Variants in LRRIQ3 observed in about 807,000 individuals in gnomAD.
LRRIQ3 encodes the protein leucine-rich repeat and IQ domain-containing protein 3.
In LRRIQ3, 75 loss-of-function variants were observed where a neutral mutation model predicts 59.3. That is an observed-to-expected ratio of 1.26 (90% confidence interval 1.05 to 1.53). The LOEUF (loss-of-function observed/expected upper bound fraction) is 1.53. Among genes scored for constraint, LRRIQ3 ranks in the 40% most tolerant of loss-of-function variants. The pLI, the probability that LRRIQ3 is intolerant of heterozygous loss-of-function variation, is 0.00. For synonymous variants in LRRIQ3, 250 were observed against 231.3 expected (o/e 1.08, Z -0.73); for missense variants, 831 against 710.0 (o/e 1.17, Z -1.94).
chr1:74,177,526 C>T (rs1649717693), intron 3 of LRRIQ3, among the ~76,000 whole-genome samples: 1 of 152,038 alleles, frequency 6.6e-6, no homozygotes, highest in African/African-American at 2.4e-5. Context: ...AAGAATTTAC[C>T]ACTGTGTCAT....
At chr1:74,181,465 C>A (rs1048208102) in intron 3 of LRRIQ3, 10 of 151,830 alleles carry the variant, frequency 6.6e-5, no homozygotes, top group African/African-American at 2.4e-4. Flanking sequence ...AGTTCTTTCT[C>A]AATGCCCACT....
rs1553162681 is a variant in LRRIQ3, at chr1:74,055,211, T to TAC, written c.998-13280_998-13279dup. Reference sequence around the variant, plus strand: ...ATATATATATATATATATATATATATACACACACATACATATAAAGGGTAT... The same window carrying TAC: ...ATATATATATATATATATATATATATACACACACACATACATATAAAGGGTAT... On this transcript the variant is annotated intron_variant, in intron 6 of 7. Transcript: ENST00000354431. 8.5e-3 allele frequency among the ~76,000 whole-genome samples: 1,084 copies of TAC among 127,648 alleles called. 14 individuals are homozygous for TAC. The highest frequency in any genetic ancestry group is 0.028 in the African/African-American group (1,019 of 35,988). 83.7% of individuals were successfully genotyped at this position (127,648 alleles called of 152,430 possible).
In LRRIQ3 at chr1:74,183,423, G is replaced by A. The variant is rs1402112621; in HGVS notation, c.249+13C>T. The A allele has an allele frequency of 3.2e-6, 5 of 1,545,174 alleles. No individual in the cohort carries two copies. Among genetic ancestry groups the A allele is most frequent in the Non-Finnish European group, 4.4e-6 (5 of 1,146,608 alleles). On this transcript the variant is annotated intron_variant, in intron 2 of 7. Coordinates refer to ENST00000354431, the MANE Select transcript of LRRIQ3 (RefSeq NM_001105659.2). ...TCGTTTATATGCAAATATCTGAAAT[G>A]GCTATTGCTTACCTGATTTCCATGG...
At chr1:74,027,053 A>ATTAG in intron 7 of LRRIQ3, 84 bp from the exon 8 acceptor site, 1 of 916,828 alleles carries the variant, frequency 1.1e-6, no homozygotes, top group Admixed American at 2.9e-5. Flanking sequence ...AATGATAATA[A>ATTAG]TTAGATGTCT....
At position 74,191,178 on chromosome 1, in the gene LRRIQ3, A is replaced by G. The variant is rs555526921; in HGVS notation, c.-1+6818T>C. Among the ~76,000 whole-genome samples, 9 of 152,308 alleles carry G rather than the reference A, an allele frequency of 5.9e-5. 1 individual carries two copies. The highest frequency in any genetic ancestry group is 2.2e-4 in the African/African-American group (9 of 41,582). ...AGATAAAATATATGCTTCAAAAACT[A>G]TATCAAGGACACTGTATGGTGCAAA... is the stretch of plus-strand genomic sequence containing the variant. On this transcript the variant is annotated intron_variant, in intron 1 of 7. Transcript: ENST00000354431.
rs766841620 is a variant in LRRIQ3, at chr1:74,096,749, T to G, written c.867+12645A>C. ...TTGGTGTGGAGGTCCTTTCAGTTTG[T>G]TAGCTTTCCTTCTAACAATCAGGAC... On this transcript the variant is annotated intron_variant, in intron 5 of 7. Coordinates refer to ENST00000354431, the MANE Select transcript of LRRIQ3 (RefSeq NM_001105659.2). Among the ~76,000 whole-genome samples the G allele has an allele frequency of 4.3e-4, 65 of 152,278 alleles. 1 individual carries two copies. The highest frequency in any genetic ancestry group is 3.4e-3 in the Middle Eastern group (1 of 294).
Position 74,198,146 on chromosome 1 carries a change from G to A in LRRIQ3, c.-151C>T, listed in dbSNP as rs1462266867. 3.4e-6 allele frequency: 5 copies of A among 1,488,746 alleles called. No homozygotes were observed. Among genetic ancestry groups the A allele is most frequent in the Admixed American group, 2.3e-5 (1 of 43,934 alleles). 92.2% of individuals were successfully genotyped at this position (1,488,746 alleles called of 1,614,324 possible). On this transcript the variant is annotated 5_prime_UTR_variant, in exon 1 of 8. Coordinates refer to ENST00000354431, the MANE Select transcript of LRRIQ3 (RefSeq NM_001105659.2). Reference sequence around the variant, plus strand: ...AGTTCTCCACATCATGGTTTTCCGGGCGCCAGCCAAGGCGCTCCGGGGGCG... The same window carrying A: ...AGTTCTCCACATCATGGTTTTCCGGACGCCAGCCAAGGCGCTCCGGGGGCG...
Position 74,198,163 on chromosome 1 carries a change from C to T in LRRIQ3, c.-168G>A. The T allele has an allele frequency of 1.3e-6, 2 of 1,518,112 alleles. No individual in the cohort carries two copies. Among genetic ancestry groups the T allele is most frequent in the African/African-American group, 1.4e-5 (1 of 72,570 alleles). 94.0% of individuals were successfully genotyped at this position (1,518,112 alleles called of 1,614,324 possible). A position where few individuals can be genotyped will look rare whatever the true frequency, so the allele number is the denominator to read the frequency against. On this transcript the variant is annotated 5_prime_UTR_variant, in exon 1 of 8. Transcript: ENST00000354431. ...TTTTCCGGGCGCCAGCCAAGGCGCTCCGGGGGCGTGGTTACGTGGGCGACG... is the reference window on the plus strand; with the variant it reads ...TTTTCCGGGCGCCAGCCAAGGCGCTTCGGGGGCGTGGTTACGTGGGCGACG...
chr1:74,189,400 G>T (rs1158717229), intron 1 of LRRIQ3, among the ~76,000 whole-genome samples: 1 of 152,148 alleles, frequency 6.6e-6, no homozygotes, highest in Non-Finnish European at 1.5e-5. Context: ...AATGTAAGTT[G>T]TTCTGAGATT....
In LRRIQ3 at chr1:74,175,620, ACTGGGTG is replaced by A. The variant is rs554764762; in HGVS notation, c.573+6911_573+6917del. 8.5e-5 allele frequency among the ~76,000 whole-genome samples: 13 copies of A among 152,246 alleles called. 1 individual carries two copies. The South Asian group carries it at 2.7e-3, about 32-fold the overall frequency. On this transcript the variant is annotated intron_variant, in intron 3 of 7. Transcript: ENST00000354431. ...CATTCTTCCCCAGATTTTGCACTCTACTGGGTGCTGTAACCTCTCCCCTGGGTTCTGG... is the reference window on the plus strand; with the variant it reads ...CATTCTTCCCCAGATTTTGCACTCTACTGTAACCTCTCCCCTGGGTTCTGG...
intron 5 of LRRIQ3, among the ~76,000 whole-genome samples, chr1:74,075,568 GAA>G (rs745376071): frequency 7.4e-6 from 1 of 134,506 alleles, no homozygotes. Flanking sequence ...CTCCGTCTCA[GAA>G]AAAAAAAAAA....
intron 7 of LRRIQ3, among the ~76,000 whole-genome samples, chr1:74,027,563 G>A (rs1003169086): frequency 4.6e-5 from 7 of 152,046 alleles, no homozygotes; most frequent in African/African-American, 1.4e-4. Context: ...AACCACACCT[G>A]CTGACACTTT....
chr1:74,146,614 T>A (rs1647587001), intron 4 of LRRIQ3, among the ~76,000 whole-genome samples: 1 of 152,230 alleles, frequency 6.6e-6, no homozygotes, highest in Admixed American at 6.5e-5. Flanking sequence ...ATCTAGCAAG[T>A]GCTAGCAGAA....
intron 4 of LRRIQ3, among the ~76,000 whole-genome samples, chr1:74,133,977 A>G (rs1647074708): frequency 6.6e-6 from 1 of 151,984 alleles, no homozygotes; most frequent in African/African-American, 2.4e-5. Flanking sequence ...TTTTAACTTT[A>G]TATTTGAATT....
chr1:74,062,872 C>A (rs1251459713), intron 6 of LRRIQ3, among the ~76,000 whole-genome samples: 1 of 151,908 alleles, frequency 6.6e-6, no homozygotes. Context: ...GAAAAAATAC[C>A]TATCGGATAC....
At chr1:74,085,807 T>A (rs1439242377) in intron 5 of LRRIQ3, among the ~76,000 whole-genome samples, 1 of 152,042 alleles carries the variant, frequency 6.6e-6, no homozygotes, top group African/African-American at 2.4e-5. Flanking sequence ...GCTTTTTATG[T>A]CAGACCTATC....
chr1:74,119,381 T>A (rs1286632403), intron 4 of LRRIQ3, among the ~76,000 whole-genome samples: 1 of 152,102 alleles, frequency 6.6e-6, no homozygotes, highest in Admixed American at 6.6e-5. Flanking sequence ...TGTCCATTTT[T>A]TTCTGACTCA....
At chr1:74,040,860 C>A (rs538755263) in intron 7 of LRRIQ3, among the ~76,000 whole-genome samples, 2 of 152,158 alleles carry the variant, frequency 1.3e-5, no homozygotes, top group South Asian at 2.1e-4. Context: ...AAAATGACAC[C>A]CTAACATCAG....
chr1:74,114,278 T>C (rs932224671), intron 4 of LRRIQ3, among the ~76,000 whole-genome samples: 4 of 152,228 alleles, frequency 2.6e-5, no homozygotes, highest in South Asian at 2.1e-4. Context: ...GTAACAATTA[T>C]AGTCACAAAC....
Sources: gnomAD v4.1 joint callset for allele counts (sites outside exome capture counted in the v4.1 genomes callset) on GRCh38, gnomAD v4.1.1 for gene constraint, MANE v1.5 for transcripts, NCBI Gene and HGNC (gene_info 2026-07-23, HGNC 2026-07-21) for gene names.